Variants in TENT5A observed in about 807,000 individuals in gnomAD.
The protein encoded by TENT5A is terminal nucleotidyltransferase 5A.
TENT5A carries 9 observed loss-of-function variants against 30.2 expected under a neutral mutation model. That is an observed-to-expected ratio of 0.30 (90% CI 0.18 to 0.52). The LOEUF (loss-of-function observed/expected upper bound fraction) is 0.52. Ranked by LOEUF, TENT5A falls within the 20% of genes least tolerant of loss-of-function variation. The probability of loss-of-function intolerance (pLI) is 0.97; values close to 1 mark genes in which losing one functional copy is unlikely to be tolerated. For missense variants in TENT5A, 411 were observed against 566.1 expected, an observed-to-expected ratio of 0.73 and a Z score of 2.78; for synonymous variants, 264 against 234.2, an observed-to-expected ratio of 1.13 and a Z score of -1.16.
chr6:81,752,224 AGAGCACGCGCGGCGGCG>A, intron 1 of TENT5A, 46 bp from the exon 2 acceptor site: 1 of 1,254,832 alleles, frequency 8.0e-7, no homozygotes, highest in Non-Finnish European at 1.0e-6. Flanking sequence ...GCGGCGGCGG[AGAGCACGCGCGGCGGCG>A]GAGAGCAGAG....
In TENT5A at chr6:81,751,841, C is replaced by T. The variant is rs1157070872; in HGVS notation, c.301G>A (p.Val101Met). 4 of 1,613,034 alleles carry T rather than the reference C, an allele frequency of 2.5e-6. No individual in the cohort carries two copies. Among genetic ancestry groups the T allele is most frequent in the African/African-American group, 1.3e-5 (1 of 75,054 alleles). ...PTLELQPSLI[V>M]KVVRRRLAEK... is the part of the protein sequence containing the mutation. ...GCCAGGCGCCGCCGCACCACCTTCA[C>T]GATCAGGCTCGGCTGCAGCTCGAGC... is the stretch of plus-strand genomic sequence containing the variant. The change falls in exon 2 of 3, where the codon GTG (valine) becomes ATG (methionine). Residue 101 changes from valine (V) to methionine (M), a missense_variant. Coordinates refer to ENST00000320172, the MANE Select transcript of TENT5A (RefSeq NM_017633.3).
At chr6:81,751,013 T>G (rs1162413386) in intron 2 of TENT5A, among the ~76,000 whole-genome samples, 1 of 152,184 alleles carries the variant, frequency 6.6e-6, no homozygotes, top group African/African-American at 2.4e-5. Flanking sequence ...CAATTTTAAC[T>G]AATCATATAA....
At position 81,747,675 on chromosome 6, in the gene TENT5A, C is replaced by T. The variant is rs1199591624; in HGVS notation, c.*2020G>A. On this transcript the variant is annotated 3_prime_UTR_variant, in exon 3 of 3. Transcript: ENST00000320172. Reference sequence around the variant, plus strand: ...GATGAAAATCTTCTAATTGGGTCTTCGAGGAATTATCATAGCAAGCAGTCA... The same window carrying T: ...GATGAAAATCTTCTAATTGGGTCTTTGAGGAATTATCATAGCAAGCAGTCA... 7.1e-6 allele frequency: 7 copies of T among 985,482 alleles called. No individual in the cohort carries two copies. Among genetic ancestry groups the T allele is most frequent in the South Asian group, 4.7e-5 (1 of 21,280 alleles). The allele number at this position is 985,482 out of a possible 1,614,324, so 61.0% of individuals were successfully genotyped here.
chr6:81,746,622 T>A lies in TENT5A; in HGVS notation c.*3073A>T. On this transcript the variant is annotated 3_prime_UTR_variant, in exon 3 of 3. Transcript: ENST00000320172. Reference sequence around the variant, plus strand: ...AAACGGCATTGTCACAGGCTATGTGTTCTCTGACATGCCAGGCTGGACAGG... The same window carrying A: ...AAACGGCATTGTCACAGGCTATGTGATCTCTGACATGCCAGGCTGGACAGG... The A allele has an allele frequency of 8.1e-7, 1 of 1,231,926 alleles. No individual in the cohort carries two copies. The allele number at this position is 1,231,926 out of a possible 1,614,324, so 76.3% of individuals were successfully genotyped here. A position where few individuals can be genotyped will look rare whatever the true frequency, so the allele number is the denominator to read the frequency against.
In TENT5A at chr6:81,748,307, A is replaced by G; in HGVS notation, c.*1388T>C. 1 of 984,698 alleles carries G rather than the reference A, an allele frequency of 1.0e-6. No individual in the cohort carries two copies. Among genetic ancestry groups the G allele is most frequent in the Non-Finnish European group, 1.2e-6 (1 of 829,428 alleles). The allele number at this position is 984,698 out of a possible 1,614,324, so 61.0% of individuals were successfully genotyped here. A position where few individuals can be genotyped will look rare whatever the true frequency, so the allele number is the denominator to read the frequency against. On this transcript the variant is annotated 3_prime_UTR_variant, in exon 3 of 3. Coordinates refer to ENST00000320172, the MANE Select transcript of TENT5A (RefSeq NM_017633.3). ...TTTTAATAAATGGGTTCCAACTGTC[A>G]AAATGGCAGTTCAATATAAAAAAGA...
chr6:81,751,718 G>T lies in TENT5A; in HGVS notation c.424C>A (p.Leu142Ile), dbSNP rs374405669. The T allele has an allele frequency of 6.2e-7, 1 of 1,613,914 alleles. No homozygotes were observed. Among genetic ancestry groups the T allele is most frequent in the African/African-American group, 1.3e-5 (1 of 74,940 alleles). ...CCGCGCAGGTCGGCGCAGAAGATGA[G>T]GTCCAGGTCCTTGTAGCCCAGGCCG... ...DSGLGYKDLD[L>I]IFCADLRGEG... The change falls in exon 2 of 3, where the codon CTC (leucine) becomes ATC (isoleucine). Residue 142 changes from leucine (L) to isoleucine (I), a missense_variant. Coordinates refer to ENST00000320172, the MANE Select transcript of TENT5A (RefSeq NM_017633.3).
chr6:81,750,105 C>A lies in TENT5A; in HGVS notation c.919G>T (p.Ala307Ser). ...TGAAGGGTCTTGATTTCATCAGAGGCGGGCCTAAAGCCCCTCACCAAGAGG... is the reference window on the plus strand; with the variant it reads ...TGAAGGGTCTTGATTTCATCAGAGGAGGGCCTAAAGCCCCTCACCAAGAGG... ...CNLLVRGFRP[A>S]SDEIKTLQRY... Residue 307 changes from alanine (A) to serine (S), a missense_variant, in exon 3 of 3, where the codon GCC becomes TCC. By Grantham distance (99) the Ala-to-Ser change is moderately conservative. Around this residue, in one of 5 missense-constraint regions of TENT5A, gnomAD observed 135 missense variants for 240.0 expected, o/e 0.56. Transcript: ENST00000320172. This position sits in a 1 kb window ranked among gnomAD's most constrained non-coding sequence, Gnocchi z 4.2. The A allele has an allele frequency of 2.5e-6, 4 of 1,613,518 alleles. No homozygotes were observed. The highest frequency in any genetic ancestry group is 2.5e-6 in the Non-Finnish European group (3 of 1,179,714).
intron 2 of TENT5A, 33 bp downstream of exon 2, chr6:81,751,557 G>A (rs1769034826): frequency 6.4e-7 from 1 of 1,567,132 alleles, no homozygotes; most frequent in Non-Finnish European, 8.7e-7. Context: ...CCCAGACTGG[G>A]TCAGGACCCA....
In TENT5A at chr6:81,750,399, T is replaced by TA; in HGVS notation, c.624_625insT (p.Asn209Ter). The TA allele has an allele frequency of 6.2e-7, 1 of 1,613,064 alleles. No individual in the cohort carries two copies. On this transcript the variant is annotated frameshift_variant, in exon 3 of 3. Transcript: ENST00000320172. LOFTEE classifies it high-confidence loss of function. This position sits in a 1 kb window ranked among gnomAD's most constrained non-coding sequence, Gnocchi z 4.2. ...TTCAGTTCCACATTTTTGCCACTGTTGTTTGACAGGGATATAAGACTCCAT... is the reference window on the plus strand; with the variant it reads ...TTCAGTTCCACATTTTTGCCACTGTTAGTTTGACAGGGATATAAGACTCCAT...
In TENT5A at chr6:81,748,044, A is replaced by AAT; in HGVS notation, c.*1649_*1650dup. 1 of 939,884 alleles carries AAT rather than the reference A, an allele frequency of 1.1e-6. No homozygotes were observed. The highest frequency in any genetic ancestry group is 1.3e-6 in the Non-Finnish European group (1 of 788,330). The allele number at this position is 939,884 out of a possible 1,614,324, so 58.2% of individuals were successfully genotyped here. A position where few individuals can be genotyped will look rare whatever the true frequency, so the allele number is the denominator to read the frequency against. On this transcript the variant is annotated 3_prime_UTR_variant, in exon 3 of 3. Transcript: ENST00000320172. ...ACATGATTTATAAAATGTTATATAT[A>AAT]ATATATATCTCATATATAAATTTTA... is the stretch of plus-strand genomic sequence containing the variant.
Position 81,748,414 on chromosome 6 carries a change from A to T in TENT5A, c.*1281T>A, listed in dbSNP as rs1287466066. 1 of 980,982 alleles carries T rather than the reference A, an allele frequency of 1.0e-6. No individual in the cohort carries two copies. Among genetic ancestry groups the T allele is most frequent in the East Asian group, 1.1e-4 (1 of 8,806 alleles). 60.8% of individuals were successfully genotyped at this position (980,982 alleles called of 1,614,324 possible). On this transcript the variant is annotated 3_prime_UTR_variant, in exon 3 of 3. Coordinates refer to ENST00000320172, the MANE Select transcript of TENT5A (RefSeq NM_017633.3). ...AAAAAAAAAAAGAAAAAAAAATCCCACTAAAACAGTATAATTTCTGCTCTT... is the reference window on the plus strand; with the variant it reads ...AAAAAAAAAAAGAAAAAAAAATCCCTCTAAAACAGTATAATTTCTGCTCTT...
Position 81,749,154 on chromosome 6 carries a change from CA to C in TENT5A, c.*540del. 2 of 985,958 alleles carry C rather than the reference CA, an allele frequency of 2.0e-6. No homozygotes were observed. Among genetic ancestry groups the C allele is most frequent in the African/African-American group, 3.5e-5 (2 of 57,360 alleles). The allele number at this position is 985,958 out of a possible 1,614,324, so 61.1% of individuals were successfully genotyped here. ...AAGCCGTTTGTTAGCAAAACAAGATCATTCCACAGAAAGCACTTGCTACAAG... is the reference window on the plus strand; with the variant it reads ...AAGCCGTTTGTTAGCAAAACAAGATCTTCCACAGAAAGCACTTGCTACAAG... On this transcript the variant is annotated 3_prime_UTR_variant, in exon 3 of 3. Coordinates refer to ENST00000320172, the MANE Select transcript of TENT5A (RefSeq NM_017633.3).
chr6:81,749,081 G>A lies in TENT5A; in HGVS notation c.*614C>T. ...AATGGATTGTGTCATCATAAGTTCT[G>A]CTGATTGTTACGAGAACTGCACCAA... On this transcript the variant is annotated 3_prime_UTR_variant, in exon 3 of 3. Transcript: ENST00000320172. 9.1e-6 allele frequency: 9 copies of A among 985,806 alleles called. No homozygotes were observed. The highest frequency in any genetic ancestry group is 1.1e-5 in the Non-Finnish European group (9 of 829,920). 61.1% of individuals were successfully genotyped at this position (985,806 alleles called of 1,614,324 possible).
At position 81,750,566 on chromosome 6, in the gene TENT5A, C is replaced by T. The variant is rs1308933657; in HGVS notation, c.553-95G>A. 1 of 823,626 alleles carries T rather than the reference C, an allele frequency of 1.2e-6. No homozygotes were observed. The highest frequency in any genetic ancestry group is 1.8e-6 in the Non-Finnish European group (1 of 556,754). The allele number at this position is 823,626 out of a possible 1,614,324, so 51.0% of individuals were successfully genotyped here. A position where few individuals can be genotyped will look rare whatever the true frequency, so the allele number is the denominator to read the frequency against. Reference sequence around the variant, plus strand: ...CTTCACAGCTGAGAATTATTTTGCTCTTTCCCTTTTGTTTTGTCAAGTTTC... The same window carrying T: ...CTTCACAGCTGAGAATTATTTTGCTTTTTCCCTTTTGTTTTGTCAAGTTTC... On this transcript the variant is annotated intron_variant, in intron 2 of 2. Coordinates refer to ENST00000320172, the MANE Select transcript of TENT5A (RefSeq NM_017633.3). The surrounding 1 kb of genome is among the most constrained non-coding windows in gnomAD (Gnocchi z 4.2).
Position 81,748,188 on chromosome 6 carries a change from C to G in TENT5A, c.*1507G>C. The G allele has an allele frequency of 1.0e-6, 1 of 985,132 alleles. No homozygotes were observed. Among genetic ancestry groups the G allele is most frequent in the Non-Finnish European group, 1.2e-6 (1 of 829,590 alleles). The allele number at this position is 985,132 out of a possible 1,614,324, so 61.0% of individuals were successfully genotyped here. A position where few individuals can be genotyped will look rare whatever the true frequency, so the allele number is the denominator to read the frequency against. Reference sequence around the variant, plus strand: ...AAACATTAGCAAGTAGTGTTTAGATCACCGGAAATCCTTTTTAGCAGTCAG... The same window carrying G: ...AAACATTAGCAAGTAGTGTTTAGATGACCGGAAATCCTTTTTAGCAGTCAG... On this transcript the variant is annotated 3_prime_UTR_variant, in exon 3 of 3. Coordinates refer to ENST00000320172, the MANE Select transcript of TENT5A (RefSeq NM_017633.3).
chr6:81,751,842 G>T lies in TENT5A; in HGVS notation c.300C>A (p.Ile100=). 7 of 1,613,026 alleles carry T rather than the reference G, an allele frequency of 4.3e-6. No homozygotes were observed. Among genetic ancestry groups the T allele is most frequent in the African/African-American group, 4.0e-5 (3 of 75,060 alleles). ...FPTLELQPSL[I]VKVVRRRLAE... Reference sequence around the variant, plus strand: ...CCAGGCGCCGCCGCACCACCTTCACGATCAGGCTCGGCTGCAGCTCGAGCG... The same window carrying T: ...CCAGGCGCCGCCGCACCACCTTCACTATCAGGCTCGGCTGCAGCTCGAGCG... Residue 100 remains isoleucine, a synonymous_variant, in exon 2 of 3, where the codon ATC becomes ATA. Transcript: ENST00000320172.
At position 81,746,239 on chromosome 6, in the gene TENT5A, C is replaced by A; in HGVS notation, c.*3456G>T. On this transcript the variant is annotated 3_prime_UTR_variant, in exon 3 of 3. Transcript: ENST00000320172. The stretch of plus-strand genomic sequence containing the variant: ...TTCACCTAACACACTTCATCTTCAA[C>A]AACAACAAAAAAGCTTATTTTTGAA... 8.8e-7 allele frequency: 1 copy of A among 1,141,118 alleles called. No homozygotes were observed. The highest frequency in any genetic ancestry group is 3.6e-4 in the Middle Eastern group (1 of 2,742). 70.7% of individuals were successfully genotyped at this position (1,141,118 alleles called of 1,614,324 possible).
At position 81,748,023 on chromosome 6, in the gene TENT5A, G is replaced by A. The variant is rs1768921516; in HGVS notation, c.*1672C>T. ...GATCAAAGATGTTTCATATTGACAT[G>A]ATTTATAAAATGTTATATATAATAT... On this transcript the variant is annotated 3_prime_UTR_variant, in exon 3 of 3. Transcript: ENST00000320172. The A allele has an allele frequency of 4.1e-6, 4 of 973,152 alleles. No individual in the cohort carries two copies. Among genetic ancestry groups the A allele is most frequent in the Admixed American group, 6.2e-5 (1 of 16,216 alleles). The allele number at this position is 973,152 out of a possible 1,614,324, so 60.3% of individuals were successfully genotyped here.
chr6:81,746,583 A>C lies in TENT5A; in HGVS notation c.*3112T>G. 8.1e-7 allele frequency: 1 copy of C among 1,232,100 alleles called. No individual in the cohort carries two copies. Among genetic ancestry groups the C allele is most frequent in the Non-Finnish European group, 1.0e-6 (1 of 987,914 alleles). 76.3% of individuals were successfully genotyped at this position (1,232,100 alleles called of 1,614,324 possible). On this transcript the variant is annotated 3_prime_UTR_variant, in exon 3 of 3. Coordinates refer to ENST00000320172, the MANE Select transcript of TENT5A (RefSeq NM_017633.3). ...GAGGCAGCTGGATTTACTGCAAATT[A>C]AGTAAACCTTTAAAAACGGCATTGT...
Sources: gnomAD v4.1 joint callset for allele counts (sites outside exome capture counted in the v4.1 genomes callset) on GRCh38, gnomAD v4.1.1 for gene constraint, gnomAD v4.1.1 regional missense constraint, Gnocchi (gnomAD v3.1) non-coding constraint, MANE v1.5 for transcripts, NCBI Gene and HGNC (gene_info 2026-07-23, HGNC 2026-07-21) for gene names.